Variants in DACH1 observed in about 807,000 individuals in gnomAD.
DACH1 encodes dachshund homolog 1.
DACH1 carries 12 observed loss-of-function variants against 54.2 expected under a neutral mutation model. That is an observed-to-expected ratio of 0.22 (90% CI 0.14 to 0.36). DACH1 has a LOEUF of 0.36. Ranked by LOEUF, DACH1 falls within the 10% of genes least tolerant of loss-of-function variation. DACH1 has a pLI of 1.00. For synonymous variants in DACH1, 386 were observed against 366.2 expected, an observed-to-expected ratio of 1.05 and a Z score of -0.62; for missense variants, 805 against 929.8, an observed-to-expected ratio of 0.87 and a Z score of 1.75.
chr13:71,490,841 A>G (rs1878919399), intron 6 of DACH1, among the ~76,000 whole-genome samples: 1 of 152,218 alleles, frequency 6.6e-6, no homozygotes, highest in African/African-American at 2.4e-5. Context: ...TTCGATCATC[A>G]TCACCTTAGC....
intron 1 of DACH1, among the ~76,000 whole-genome samples, chr13:71,797,931 A>G (rs1242516847): frequency 6.6e-6 from 1 of 152,110 alleles, no homozygotes; most frequent in Non-Finnish European, 1.5e-5. Context: ...GTGCAACTTC[A>G]TGGTAATTAA....
At chr13:71,754,694 C>T (rs1294004500) in intron 1 of DACH1, among the ~76,000 whole-genome samples, 1 of 151,446 alleles carries the variant, frequency 6.6e-6, no homozygotes, top group Non-Finnish European at 1.5e-5. Context: ...AAAAATATTC[C>T]ATTAAAGATA....
chr13:71,555,235 G>C (rs1405574322), intron 6 of DACH1, among the ~76,000 whole-genome samples: 1 of 152,088 alleles, frequency 6.6e-6, no homozygotes, highest in Non-Finnish European at 1.5e-5. Context: ...AACCCTAGTG[G>C]AGAATGATTG....
chr13:71,561,540 G>A lies in DACH1; in HGVS notation c.1300-1585C>T, dbSNP rs1358906422. Reference sequence around the variant, plus strand: ...GCTGCTACCAGAAGCTATAGAAAGCGAAGGATTCTACCTAGTATCTCAAAG... The same window carrying A: ...GCTGCTACCAGAAGCTATAGAAAGCAAAGGATTCTACCTAGTATCTCAAAG... On this transcript the variant is annotated intron_variant, in intron 4 of 10. Coordinates refer to ENST00000613252, the MANE Select transcript of DACH1 (RefSeq NM_080759.6). Among the ~76,000 whole-genome samples the A allele has an allele frequency of 3.3e-5, 5 of 152,158 alleles. No individual in the cohort carries two copies. In the East Asian group the frequency reaches 5.8e-4, roughly 18 times the overall value.
chr13:71,498,189 T>C (rs930887319), intron 6 of DACH1, among the ~76,000 whole-genome samples: 2 of 152,208 alleles, frequency 1.3e-5, no homozygotes, highest in African/African-American at 2.4e-5. Flanking sequence ...CCTATATCAG[T>C]GAGTCTTAAC....
rs563086363 is a variant in DACH1 at position 71,757,725 on chromosome 13, G to T, written c.849-75815C>A. On this transcript the variant is annotated intron_variant, in intron 1 of 10. Transcript: ENST00000613252. ...TTTTGTAGAGATGGGGCTTCACCAT[G>T]TTGGCCAGGCTGATCTTGATCTCCT... Among the ~76,000 whole-genome samples the T allele has an allele frequency of 3.0e-4, 46 of 152,132 alleles. 2 individuals carry two copies. The East Asian group carries it at 8.2e-3, about 27-fold the overall frequency.
intron 6 of DACH1, among the ~76,000 whole-genome samples, chr13:71,503,144 T>C (rs555101500): frequency 5.1e-4 from 77 of 152,292 alleles, no homozygotes; most frequent in African/African-American, 1.8e-3. Context: ...CCTTCCCACA[T>C]ACAACAACTG....
intron 6 of DACH1, among the ~76,000 whole-genome samples, chr13:71,527,428 T>C (rs950933911): frequency 6.6e-6 from 1 of 152,180 alleles, no homozygotes; most frequent in Non-Finnish European, 1.5e-5. Context: ...AGTAACAGAT[T>C]GTATTTTCCC....
intron 1 of DACH1, among the ~76,000 whole-genome samples, chr13:71,820,463 G>A (rs1224904903): frequency 6.6e-6 from 1 of 152,072 alleles, no homozygotes; most frequent in African/African-American, 2.4e-5. Context: ...TGTAGAGTAT[G>A]GTAGGAAGTT....
At chr13:71,780,735 A>G (rs1886335537) in intron 1 of DACH1, among the ~76,000 whole-genome samples, 2 of 152,152 alleles carry the variant, frequency 1.3e-5, no homozygotes, top group South Asian at 4.2e-4. Flanking sequence ...TTGGTAAAAT[A>G]AAAAATGTGC....
intron 1 of DACH1, among the ~76,000 whole-genome samples, chr13:71,736,029 T>C (rs1884097520): frequency 6.6e-6 from 1 of 152,116 alleles, no homozygotes; most frequent in African/African-American, 2.4e-5. Context: ...TCCATGATAC[T>C]AGCTACCAAA....
intron 1 of DACH1, among the ~76,000 whole-genome samples, chr13:71,747,669 G>A (rs750054856): frequency 1.4e-4 from 22 of 152,168 alleles, no homozygotes; most frequent in Non-Finnish European, 2.8e-4. Context: ...TGCTCTAGGA[G>A]ATTCTGTGAG....
intron 1 of DACH1, among the ~76,000 whole-genome samples, chr13:71,829,185 G>A (rs1203272852): frequency 6.6e-6 from 1 of 151,866 alleles, no homozygotes; most frequent in Non-Finnish European, 1.5e-5. Flanking sequence ...CTTTGACCAA[G>A]TATAATCTCC....
At chr13:71,862,178 GA>G (rs1305098728) in intron 1 of DACH1, among the ~76,000 whole-genome samples, 4 of 151,764 alleles carry the variant, frequency 2.6e-5, no homozygotes, top group Non-Finnish European at 5.9e-5. Context: ...AAGATCCTGA[GA>G]AAAAATTATC....
At chr13:71,453,809 AAG>A (rs1875296254) in intron 10 of DACH1, among the ~76,000 whole-genome samples, 1 of 152,190 alleles carries the variant, frequency 6.6e-6, no homozygotes. Flanking sequence ...AGTTCAATGA[AAG>A]AGCTCTCAAA....
At chr13:71,733,006 G>A (rs1421314626) in intron 1 of DACH1, among the ~76,000 whole-genome samples, 1 of 151,750 alleles carries the variant, frequency 6.6e-6, no homozygotes, top group African/African-American at 2.4e-5. Context: ...TTCTCTGTCT[G>A]GAATGCCTTT....
intron 1 of DACH1, among the ~76,000 whole-genome samples, chr13:71,748,744 A>G (rs1884718724): frequency 6.6e-6 from 1 of 152,164 alleles, no homozygotes; most frequent in East Asian, 1.9e-4. Flanking sequence ...AAAAACAAAA[A>G]CATATGGGAC....
At chr13:71,482,042 T>G (rs1357914532) in intron 7 of DACH1, among the ~76,000 whole-genome samples, 1 of 152,222 alleles carries the variant, frequency 6.6e-6, no homozygotes, top group Non-Finnish European at 1.5e-5. Flanking sequence ...CTTAGGATAC[T>G]GAAGTCGGTT....
At position 71,674,839 on chromosome 13, in the gene DACH1, A is replaced by G. The variant is rs73523413; in HGVS notation, c.964+6956T>C. ...AATTTTTCTCTTCAAGAAAAGTACA[A>G]AGGGAACATGTACTAAGTAGTTATA... On this transcript the variant is annotated intron_variant, in intron 2 of 10. Transcript: ENST00000613252. Among the ~76,000 whole-genome samples the G allele has an allele frequency of 6.9e-3, 917 of 132,300 alleles. 13 individuals carry two copies. The highest frequency in any genetic ancestry group is 0.024 in the African/African-American group (866 of 35,866). The allele number at this position is 132,300 out of a possible 152,430, so 86.8% of individuals were successfully genotyped here. A position where few individuals can be genotyped will look rare whatever the true frequency, so the allele number is the denominator to read the frequency against.
Sources: gnomAD v4.1 joint callset for allele counts (sites outside exome capture counted in the v4.1 genomes callset) on GRCh38, gnomAD v4.1.1 for gene constraint, MANE v1.5 for transcripts, NCBI Gene and HGNC (gene_info 2026-07-23, HGNC 2026-07-21) for gene names.